The following CSGALNACT1 variants were observed in gnomAD, a reference collection of about 807,000 sequenced individuals.
CSGALNACT1 encodes the protein beta4GalNAcT-1.
A neutral mutation model predicts 51.0 loss-of-function variants in CSGALNACT1; 52 were observed. That is an observed-to-expected ratio of 1.02 (90% CI 0.82 to 1.29). The LOEUF (loss-of-function observed/expected upper bound fraction) is 1.29. CSGALNACT1 is among the 50% of genes most tolerant of loss of function. The pLI is 0.00. For missense variants in CSGALNACT1, 935 were observed against 679.2 expected, an observed-to-expected ratio of 1.38 and a Z score of -4.19; for synonymous variants, 341 against 254.4, an observed-to-expected ratio of 1.34 and a Z score of -3.24.
At chr8:19,572,125 CA>C (rs1470058066) in intron 3 of CSGALNACT1, among the ~76,000 whole-genome samples, 1 of 152,162 alleles carries the variant, frequency 6.6e-6, no homozygotes, top group African/African-American at 2.4e-5. Flanking sequence ...GCAACAACAA[CA>C]AAAATATTTA....
At chr8:19,679,656 C>A (rs373996230) in intron 1 of CSGALNACT1, among the ~76,000 whole-genome samples, 1 of 152,078 alleles carries the variant, frequency 6.6e-6, no homozygotes, top group South Asian at 2.1e-4. Context: ...AAAGGAAGGT[C>A]CGGCACCACC....
intron 1 of CSGALNACT1, among the ~76,000 whole-genome samples, chr8:19,626,244 T>C (rs997378645): frequency 3.9e-5 from 6 of 152,218 alleles, no homozygotes; most frequent in Non-Finnish European, 7.3e-5. Flanking sequence ...TGGAACAGAT[T>C]ACAGAACCCA....
chr8:19,486,760 C>T (rs558985976), intron 4 of CSGALNACT1, among the ~76,000 whole-genome samples: 3 of 152,166 alleles, frequency 2.0e-5, no homozygotes, highest in Non-Finnish European at 2.9e-5. Context: ...AGGGAATCCC[C>T]TTTACTCAGC....
intron 6 of CSGALNACT1, among the ~76,000 whole-genome samples, chr8:19,437,844 C>A (rs1039487699): frequency 1.3e-5 from 2 of 152,106 alleles, no homozygotes. Context: ...TTGAGGCAAA[C>A]CATCTCTACC....
intron 3 of CSGALNACT1, among the ~76,000 whole-genome samples, chr8:19,563,690 C>T (rs189254669): frequency 6.6e-6 from 1 of 152,172 alleles, no homozygotes; most frequent in Non-Finnish European, 1.5e-5. Context: ...TCTAAGCAGT[C>T]TCCACCTCCA....
At chr8:19,672,243 A>G (rs140960489) in intron 1 of CSGALNACT1, among the ~76,000 whole-genome samples, 32 of 152,260 alleles carry the variant, frequency 2.1e-4, no homozygotes, top group Non-Finnish European at 4.3e-4. Flanking sequence ...GCTTCTCTGT[A>G]TATCAAATAC....
At chr8:19,611,031 C>A (rs1427917806) in intron 1 of CSGALNACT1, among the ~76,000 whole-genome samples, 1 of 152,186 alleles carries the variant, frequency 6.6e-6, no homozygotes, top group Non-Finnish European at 1.5e-5. Context: ...AAGCAGCGAG[C>A]CGCTCCCCCT....
chr8:19,466,810 C>T (rs1021495851), intron 4 of CSGALNACT1, among the ~76,000 whole-genome samples: 1 of 152,174 alleles, frequency 6.6e-6, no homozygotes, highest in African/African-American at 2.4e-5. Context: ...CCCTACTTTC[C>T]CGTGCATCAC....
At chr8:19,414,666 A>T (rs532855094) in intron 8 of CSGALNACT1, among the ~76,000 whole-genome samples, 20 of 152,256 alleles carry the variant, frequency 1.3e-4, no homozygotes, top group Admixed American at 3.9e-4. Flanking sequence ...ACACTATCAA[A>T]TGACAGTGGC....
chr8:19,555,675 A>G (rs1379739012), intron 3 of CSGALNACT1, among the ~76,000 whole-genome samples: 4 of 152,238 alleles, frequency 2.6e-5, no homozygotes. Flanking sequence ...ATACATCTTC[A>G]GACTTCACTT....
intron 5 of CSGALNACT1, among the ~76,000 whole-genome samples, chr8:19,450,064 A>C (rs2153796017): frequency 8.1e-6 from 1 of 123,718 alleles, no homozygotes; most frequent in South Asian, 3.7e-4. Context: ...AAGAAGAAAG[A>C]AGAAAGAGGG....
At chr8:19,511,847 G>A (rs112414112) in intron 3 of CSGALNACT1, among the ~76,000 whole-genome samples, 1 of 152,216 alleles carries the variant, frequency 6.6e-6, no homozygotes, top group African/African-American at 2.4e-5. Context: ...CAATCATGGT[G>A]GAAGGGAAAC....
At chr8:19,603,771 C>T (rs2050933146), upstream of CSGALNACT1, among the ~76,000 whole-genome samples, 2 of 152,168 alleles carry the variant, frequency 1.3e-5, no homozygotes, top group Admixed American at 1.3e-4. Flanking sequence ...CATGAATACC[C>T]TTGGCCATCT....
At chr8:19,539,699 C>T (rs185170180) in intron 3 of CSGALNACT1, among the ~76,000 whole-genome samples, 35 of 152,266 alleles carry the variant, frequency 2.3e-4, no homozygotes, top group Admixed American at 2.3e-3. Flanking sequence ...TGATATGTGA[C>T]ACAGCAATAT....
intron 3 of CSGALNACT1, among the ~76,000 whole-genome samples, chr8:19,582,266 A>G (rs1564140996): frequency 6.6e-6 from 1 of 152,240 alleles, no homozygotes; most frequent in Non-Finnish European, 1.5e-5. Context: ...ATTCACAGAT[A>G]ATTCAAAGAC....
chr8:19,513,529 T>C (rs1000276542), intron 3 of CSGALNACT1, among the ~76,000 whole-genome samples: 2 of 150,084 alleles, frequency 1.3e-5, no homozygotes, highest in Non-Finnish European at 3.0e-5. Flanking sequence ...ACTGCTAGAA[T>C]CCACAATAAT....
At chr8:19,620,343 C>G (rs1340510383) in intron 1 of CSGALNACT1, among the ~76,000 whole-genome samples, 1 of 138,186 alleles carries the variant, frequency 7.2e-6, no homozygotes, top group Non-Finnish European at 1.5e-5. Context: ...AAAAAAAGTG[C>G]GAAATACTGT....
intron 1 of CSGALNACT1, among the ~76,000 whole-genome samples, chr8:19,753,993 T>C (rs1682890768): frequency 6.6e-6 from 1 of 152,098 alleles, no homozygotes; most frequent in Non-Finnish European, 1.5e-5. Context: ...TGATGCATCT[T>C]GGAATGTGAT....
chr8:19,694,288 C>T (rs1188639314), intron 1 of CSGALNACT1, among the ~76,000 whole-genome samples: 2 of 152,128 alleles, frequency 1.3e-5, no homozygotes, highest in Admixed American at 1.3e-4. Context: ...TTGGCAGCTA[C>T]CCACATAAGT....
Sources: gnomAD v4.1 joint callset for allele counts (sites outside exome capture counted in the v4.1 genomes callset) on GRCh38, gnomAD v4.1.1 for gene constraint, MANE v1.5 for transcripts, NCBI Gene and HGNC (gene_info 2026-07-23, HGNC 2026-07-21) for gene names.